Variants in GATAD1 observed in about 807,000 individuals in gnomAD.
GATAD1 encodes GATA zinc finger domain containing 1.
In GATAD1, 12 loss-of-function variants were observed where a neutral mutation model predicts 26.5. The ratio of observed to expected loss-of-function variants is 0.45; its 90% CI spans 0.29 to 0.73. The LOEUF is 0.73. Ranked by LOEUF, GATAD1 falls within the 30% of genes least tolerant of loss-of-function variation. The probability of loss-of-function intolerance (pLI) is 0.10; values close to 1 mark genes in which losing one functional copy is unlikely to be tolerated. For synonymous variants in GATAD1, 129 were observed against 133.1 expected, an observed-to-expected ratio of 0.97 and a Z score of 0.21; for missense variants, 266 against 342.1, an observed-to-expected ratio of 0.78 and a Z score of 1.75.
At chr7:92,484,345 G>T in the GATAD1 span, among the ~76,000 whole-genome samples, 1 of 152,072 alleles carries the variant, frequency 6.6e-6, no homozygotes, top group Non-Finnish European at 1.5e-5. Flanking sequence ...CACAGAGAAG[G>T]GGGTGGGTGA....
the GATAD1 span, chr7:92,493,025 A>G: frequency 6.2e-7 from 1 of 1,613,518 alleles, no homozygotes; most frequent in Non-Finnish European, 8.5e-7. Context: ...CTTTCAGATC[A>G]GCTCCAGTAA....
At chr7:92,495,562 A>G in the GATAD1 span, among the ~76,000 whole-genome samples, 33 of 152,240 alleles carry the variant, frequency 2.2e-4, no homozygotes, top group East Asian at 1.9e-4. Flanking sequence ...GTTTTTGTCT[A>G]TGTCACCTAA....
chr7:92,486,502 G>C, the GATAD1 span, among the ~76,000 whole-genome samples: 2 of 152,184 alleles, frequency 1.3e-5, no homozygotes, highest in African/African-American at 2.4e-5. Context: ...GCAATGCAGG[G>C]TGACGTGTCT....
At position 92,459,054 on chromosome 7, in the gene GATAD1, C is replaced by T. The variant is rs1309443925; in HGVS notation, c.*2492C>T. ...GCCTGGTCAACATGAAACCCCGTCT[C>T]TACTAAAAATACAAAAATTAGCTGG... On this transcript the variant is annotated 3_prime_UTR_variant, in exon 5 of 5. Transcript: ENST00000287957. 6.6e-6 allele frequency: 1 copy of T among 152,194 alleles called. No homozygotes were observed. Among genetic ancestry groups the T allele is most frequent in the African/African-American group, 2.4e-5 (1 of 41,396 alleles). 9.4% of individuals were successfully genotyped at this position (152,194 alleles called of 1,614,324 possible).
chr7:92,456,599 G>A lies in GATAD1; in HGVS notation c.*37G>A, dbSNP rs1789681849. On this transcript the variant is annotated 3_prime_UTR_variant, in exon 5 of 5. Coordinates refer to ENST00000287957, the MANE Select transcript of GATAD1 (RefSeq NM_021167.5). ...AAACTGGGTTTCCAGGCCTGGTGTG[G>A]TGGCTCACGCCTGTAGCCCCAGCTA... 1 of 1,382,712 alleles carries A rather than the reference G, an allele frequency of 7.2e-7. No homozygotes were observed. Among genetic ancestry groups the A allele is most frequent in the Non-Finnish European group, 1.0e-6 (1 of 977,154 alleles). The allele number at this position is 1,382,712 out of a possible 1,614,324, so 85.7% of individuals were successfully genotyped here.
chr7:92,465,530 AT>A, the GATAD1 span, among the ~76,000 whole-genome samples: 1 of 152,034 alleles, frequency 6.6e-6, no homozygotes, highest in Non-Finnish European at 1.5e-5. Context: ...AGGCAGGAGA[AT>A]TACTTGAATC....
intron 3 of GATAD1, 41 bp downstream of exon 3, chr7:92,450,801 G>T (rs1789397719): frequency 8.4e-7 from 1 of 1,193,296 alleles, no homozygotes; most frequent in Non-Finnish European, 1.3e-6. Flanking sequence ...GTTGGGCCTA[G>T]TGGGTAATGT....
rs1251941213 is a variant in GATAD1, at chr7:92,459,745, G to C, written c.*3183G>C. ...CCTCACTCCTATCCCTTTGGTCCTG[G>C]GATGACAGGGATGCTGTGTTTTATT... On this transcript the variant is annotated 3_prime_UTR_variant, in exon 5 of 5. Transcript: ENST00000287957. Among the ~76,000 whole-genome samples the C allele has an allele frequency of 6.6e-6, 1 of 152,110 alleles. No homozygotes were observed. The highest frequency in any genetic ancestry group is 1.5e-5 in the Non-Finnish European group (1 of 68,028).
the GATAD1 span, among the ~76,000 whole-genome samples, chr7:92,479,451 CAG>C: frequency 6.6e-6 from 1 of 152,142 alleles, no homozygotes; most frequent in East Asian, 1.9e-4. Flanking sequence ...GAACAAATCA[CAG>C]TGGTGGAATG....
downstream of GATAD1, among the ~76,000 whole-genome samples, chr7:92,463,784 C>T (rs1191116789): frequency 1.3e-5 from 2 of 151,970 alleles, no homozygotes; most frequent in African/African-American, 2.4e-5. Flanking sequence ...GCCTGGCCAA[C>T]GTGGCGAAAC....
chr7:92,467,713 G>A, the GATAD1 span, among the ~76,000 whole-genome samples: 2 of 152,242 alleles, frequency 1.3e-5, no homozygotes, highest in African/African-American at 4.8e-5. Context: ...TTTTGGGGAA[G>A]CTGGAAGTTT....
At chr7:92,492,999 G>A in the GATAD1 span, 1 of 1,613,766 alleles carries the variant, frequency 6.2e-7, no homozygotes, top group Non-Finnish European at 8.5e-7. Context: ...CTCCAATTGG[G>A]CATTGTAAAG....
chr7:92,492,857 T>C, the GATAD1 span: 2 of 929,444 alleles, frequency 2.2e-6, no homozygotes, highest in South Asian at 2.6e-5. Context: ...TTTACCAAAG[T>C]TGTTTAAAAA....
chr7:92,469,850 C>A, the GATAD1 span: 2 of 774,700 alleles, frequency 2.6e-6, no homozygotes, highest in Non-Finnish European at 4.8e-6. Context: ...TGGGCCGAGA[C>A]CTCATGGAGC....
the GATAD1 span, chr7:92,494,472 A>AT: frequency 1.2e-6 from 2 of 1,613,010 alleles, no homozygotes; most frequent in Non-Finnish European, 1.7e-6. Context: ...CTATTTCTGT[A>AT]TTTATAATTA....
the GATAD1 span, chr7:92,470,830 G>A: frequency 1.8e-5 from 3 of 168,694 alleles, no homozygotes; most frequent in African/African-American, 7.2e-5. Context: ...TATGGGCTAA[G>A]TCCTGCTTTT....
chr7:92,491,180 T>C, the GATAD1 span: 2 of 849,872 alleles, frequency 2.4e-6, no homozygotes, highest in East Asian at 5.0e-5. Context: ...AGGAAGAATA[T>C]GTGGGGCTGG....
the GATAD1 span, among the ~76,000 whole-genome samples, chr7:92,482,766 G>A: frequency 6.6e-6 from 1 of 152,150 alleles, no homozygotes; most frequent in Non-Finnish European, 1.5e-5. Flanking sequence ...GGCCTAATAA[G>A]GGAACTGGGC....
chr7:92,456,228 A>C (rs1266299946), intron 4 of GATAD1, 144 bp from the exon 5 acceptor site: 1 of 528,200 alleles, frequency 1.9e-6, no homozygotes, highest in African/African-American at 1.9e-5. Context: ...GATTAAGAAT[A>C]ATTTCAAAGT....
Sources: gnomAD v4.1 joint callset for allele counts (sites outside exome capture counted in the v4.1 genomes callset) on GRCh38, gnomAD v4.1.1 for gene constraint, MANE v1.5 for transcripts, NCBI Gene and HGNC (gene_info 2026-07-23, HGNC 2026-07-21) for gene names.